CORIN: variants seen among roughly 807,000 people sequenced by gnomAD.
The protein encoded by CORIN is atrial natriuretic peptide-converting enzyme.
A neutral mutation model predicts 125.3 loss-of-function variants in CORIN; 117 were observed. The observed-to-expected ratio is 0.93, with a 90% CI of 0.80 to 1.09. The LOEUF is 1.09. Among genes scored for constraint, CORIN ranks in the 50% least tolerant of loss-of-function variants. CORIN has a pLI of 0.00. For synonymous variants in CORIN, 450 were observed against 466.4 expected (o/e 0.96, Z 0.45); for missense variants, 1,253 against 1,306.7 (o/e 0.96, Z 0.63).
At chr4:47,686,972 A>G (rs1211026119) in intron 6 of CORIN, among the ~76,000 whole-genome samples, 2 of 152,198 alleles carry the variant, frequency 1.3e-5, no homozygotes, top group African/African-American at 4.8e-5. Flanking sequence ...CTGGTAATTC[A>G]TACTAAAACA....
At chr4:47,618,243 A>C (rs879305144) in intron 19 of CORIN, among the ~76,000 whole-genome samples, 11 of 150,908 alleles carry the variant, frequency 7.3e-5, no homozygotes, top group Non-Finnish European at 1.2e-4. Context: ...CTGAGGCAGG[A>C]GAATGGCTTG....
chr4:47,791,180 C>T (rs1398025992), intron 2 of CORIN, among the ~76,000 whole-genome samples: 1 of 152,044 alleles, frequency 6.6e-6, no homozygotes, highest in African/African-American at 2.4e-5. Flanking sequence ...AATGTAATCA[C>T]AAGGGTCTTT....
chr4:47,727,148 TAATCATTAAAAATAATTTTAATGATA>T (rs1240894675), intron 5 of CORIN, among the ~76,000 whole-genome samples: 1 of 152,068 alleles, frequency 6.6e-6, no homozygotes, highest in Non-Finnish European at 1.5e-5. Context: ...AGTTGTCATC[TAATCATTAAAAATAATTTTAATGATA>T]AATCATTACT....
At chr4:47,680,300 A>T in intron 7 of CORIN, 49 bp from the exon 8 acceptor site, 1 of 1,358,514 alleles carries the variant, frequency 7.4e-7, no homozygotes, top group Non-Finnish European at 1.0e-6. Context: ...CATGACTAAC[A>T]GGCAGGATTC....
At chr4:47,699,489 C>T (rs923026747) in intron 5 of CORIN, among the ~76,000 whole-genome samples, 2 of 152,198 alleles carry the variant, frequency 1.3e-5, no homozygotes, top group Non-Finnish European at 2.9e-5. Context: ...TGCTGATTGT[C>T]TCTCTCTCCC....
At chr4:47,677,823 C>T in intron 9 of CORIN, 115 bp downstream of exon 9, 1 of 728,044 alleles carries the variant, frequency 1.4e-6, no homozygotes, top group Non-Finnish European at 2.4e-6. Context: ...CTATGTTAGG[C>T]AATCTGGGAT....
At chr4:47,748,565 T>A (rs1728764365) in intron 4 of CORIN, among the ~76,000 whole-genome samples, 1 of 152,200 alleles carries the variant, frequency 6.6e-6, no homozygotes, top group Non-Finnish European at 1.5e-5. Flanking sequence ...TTTATGGTGT[T>A]CTCACTAGGA....
Position 47,696,162 on chromosome 4 carries a change from A to G in CORIN, c.800-3079T>C, listed in dbSNP as rs34176019. 2.2e-3 allele frequency among the ~76,000 whole-genome samples: 339 copies of G among 152,290 alleles called. 1 individual carries two copies. The highest frequency in any genetic ancestry group is 3.0e-3 in the Non-Finnish European group (202 of 68,036). ...CTACTTTTTTTGAACACCCTGAGAG[A>G]GCTCTTATCAGGTTTCTGTAGAGAT... On this transcript the variant is annotated intron_variant, in intron 5 of 21. Coordinates refer to ENST00000273857, the MANE Select transcript of CORIN (RefSeq NM_006587.4).
chr4:47,698,226 G>C (rs1577839015), intron 5 of CORIN, among the ~76,000 whole-genome samples: 1 of 151,848 alleles, frequency 6.6e-6, no homozygotes, highest in Non-Finnish European at 1.5e-5. Context: ...GAGTACTGCA[G>C]GGTAAGGGAG....
At chr4:47,651,657 T>G (rs1173480280) in intron 13 of CORIN, among the ~76,000 whole-genome samples, 1 of 152,222 alleles carries the variant, frequency 6.6e-6, no homozygotes, top group Non-Finnish European at 1.5e-5. Flanking sequence ...ACTTTTAACT[T>G]TCCTTAACTA....
intron 3 of CORIN, among the ~76,000 whole-genome samples, chr4:47,765,099 C>T (rs1729653434): frequency 1.3e-5 from 2 of 152,048 alleles, no homozygotes; most frequent in South Asian, 4.2e-4. Flanking sequence ...ATCACGAGGT[C>T]AGGAGACTGA....
intron 19 of CORIN, among the ~76,000 whole-genome samples, chr4:47,622,839 T>G (rs1441865645): frequency 6.6e-6 from 1 of 152,116 alleles, no homozygotes. Flanking sequence ...AAGCCAATTA[T>G]GTCAAAACAA....
At chr4:47,731,284 T>C (rs577628204) in intron 5 of CORIN, among the ~76,000 whole-genome samples, 5 of 152,208 alleles carry the variant, frequency 3.3e-5, no homozygotes, top group African/African-American at 1.2e-4. Flanking sequence ...CAAATTTGTG[T>C]GTGTGTGTGT....
intron 19 of CORIN, among the ~76,000 whole-genome samples, chr4:47,619,008 C>A (rs1177577831): frequency 6.6e-6 from 1 of 152,012 alleles, no homozygotes; most frequent in African/African-American, 2.4e-5. Context: ...CAGTTTTTCA[C>A]GTGGGTTTCC....
At chr4:47,619,768 T>A (rs1722223872) in intron 19 of CORIN, among the ~76,000 whole-genome samples, 7 of 152,192 alleles carry the variant, frequency 4.6e-5, no homozygotes, top group Admixed American at 4.6e-4. Flanking sequence ...AACTAGCACA[T>A]AAAGAGTGCT....
chr4:47,618,647 G>A (rs1192445464), intron 19 of CORIN, among the ~76,000 whole-genome samples: 12 of 151,676 alleles, frequency 7.9e-5, no homozygotes, highest in Admixed American at 3.9e-4. Flanking sequence ...GTGAAACCCC[G>A]TCTTTACTAA....
At chr4:47,737,537 T>C (rs1728186914) in intron 5 of CORIN, among the ~76,000 whole-genome samples, 2 of 152,214 alleles carry the variant, frequency 1.3e-5, no homozygotes, top group Admixed American at 1.3e-4. Context: ...AGATAACTCT[T>C]GTAGGCTTAA....
intron 13 of CORIN, chr4:47,652,619 G>C (rs1242548227): frequency 2.0e-5 from 3 of 152,300 alleles, no homozygotes; most frequent in South Asian, 4.1e-4. Context: ...AAGATTTGCA[G>C]GGAAATATAA....
chr4:47,653,498 A>T, intron 13 of CORIN, 55 bp downstream of exon 13: 1 of 1,393,810 alleles, frequency 7.2e-7, no homozygotes, highest in Non-Finnish European at 1.0e-6. Context: ...ACAGTTTCTT[A>T]TTTTATTCTA....
Sources: gnomAD v4.1 joint callset for allele counts (sites outside exome capture counted in the v4.1 genomes callset) on GRCh38, gnomAD v4.1.1 for gene constraint, MANE v1.5 for transcripts, NCBI Gene and HGNC (gene_info 2026-07-23, HGNC 2026-07-21) for gene names.